Variants in DRG1 observed in about 807,000 individuals in gnomAD.
DRG1 encodes the protein developmentally regulated GTP binding protein 1, also known as developmentally-regulated GTP-binding protein 1.
A neutral mutation model predicts 38.8 loss-of-function variants in DRG1; 19 were observed. That is an observed-to-expected ratio of 0.49 (90% CI 0.34 to 0.72). The LOEUF (loss-of-function observed/expected upper bound fraction) is 0.72, where lower values mean the gene tolerates loss of function less well. Among genes scored for constraint, DRG1 ranks in the 30% least tolerant of loss-of-function variants. The pLI is 0.01. For missense variants in DRG1, 299 were observed against 444.8 expected, an observed-to-expected ratio of 0.67 and a Z score of 2.95; for synonymous variants, 167 against 157.5, an observed-to-expected ratio of 1.06 and a Z score of -0.45.
chr22:31,418,904 A>G (rs1444987132), intron 4 of DRG1, among the ~76,000 whole-genome samples: 4 of 152,016 alleles, frequency 2.6e-5, no homozygotes, highest in Non-Finnish European at 4.4e-5. Flanking sequence ...GATGGTCTCA[A>G]TCAGCTCACC....
rs182115525 is a variant in DRG1, at chr22:31,405,236, C to T, written c.342+2032C>T. Among the ~76,000 whole-genome samples the T allele has an allele frequency of 6.4e-3, 946 of 147,510 alleles. 2 individuals carry two copies. The highest frequency in any genetic ancestry group is 0.011 in the Non-Finnish European group (729 of 66,930). On this transcript the variant is annotated intron_variant, in intron 3 of 8. Coordinates refer to ENST00000331457, the MANE Select transcript of DRG1 (RefSeq NM_004147.4). ...CAGGCTGGAGTGCAGTGGCGTGATTCGGCTCACTGCAACCTCTGCCTCCAG... is the reference window on the plus strand; with the variant it reads ...CAGGCTGGAGTGCAGTGGCGTGATTTGGCTCACTGCAACCTCTGCCTCCAG...
At chr22:31,423,489 C>T in intron 6 of DRG1, 79 bp downstream of exon 6, 1 of 1,417,124 alleles carries the variant, frequency 7.1e-7, no homozygotes, top group East Asian at 2.4e-5. Flanking sequence ...TTGAATCTGG[C>T]AGAAGTTTAT....
At chr22:31,419,765 T>C (rs778144405) in intron 4 of DRG1, among the ~76,000 whole-genome samples, 1 of 151,974 alleles carries the variant, frequency 6.6e-6, no homozygotes, top group Non-Finnish European at 1.5e-5. Context: ...TAACCAAGGG[T>C]GGGCGCAGTG....
chr22:31,425,065 G>C (rs1224986179), intron 6 of DRG1, among the ~76,000 whole-genome samples: 1 of 152,042 alleles, frequency 6.6e-6, no homozygotes, highest in Non-Finnish European at 1.5e-5. Context: ...CAAAGTGCTG[G>C]GATTACAGGC....
At chr22:31,411,792 C>T (rs1433737991) in intron 4 of DRG1, among the ~76,000 whole-genome samples, 1 of 151,622 alleles carries the variant, frequency 6.6e-6, no homozygotes, top group Admixed American at 6.6e-5. Flanking sequence ...GCTGTCCTTT[C>T]ATGTTTGAAG....
intron 3 of DRG1, among the ~76,000 whole-genome samples, chr22:31,407,685 CTT>C (rs71319190): frequency 8.7e-5 from 12 of 137,202 alleles, no homozygotes; most frequent in Non-Finnish European, 1.2e-4. Context: ...TTTCATTTTT[CTT>C]TTTTTTTTTT....
chr22:31,408,777 A>G (rs2050003344), intron 3 of DRG1, among the ~76,000 whole-genome samples: 1 of 143,454 alleles, frequency 7.0e-6, no homozygotes, highest in South Asian at 2.2e-4. Flanking sequence ...AAAAAAAAAG[A>G]TATTTTAAGT....
Position 31,411,864 on chromosome 22 carries a change from T to G in DRG1, c.412+783T>G, listed in dbSNP as rs9621253. ...TTTGGCTATTTATAGAATTATAAAT[T>G]AGAAGTCATTTTCCCTCAGAAATTT... On this transcript the variant is annotated intron_variant, in intron 4 of 8. Coordinates refer to ENST00000331457, the MANE Select transcript of DRG1 (RefSeq NM_004147.4). Among the ~76,000 whole-genome samples the G allele has an allele frequency of 5.7e-3, 872 of 152,198 alleles. 11 individuals carry two copies. Among genetic ancestry groups the G allele is most frequent in the African/African-American group, 0.019 (808 of 41,522 alleles).
intron 5 of DRG1, 38 bp downstream of exon 5, chr22:31,420,463 G>C (rs1267919100): frequency 6.2e-7 from 1 of 1,612,126 alleles, no homozygotes; most frequent in South Asian, 1.1e-5. Flanking sequence ...GCTGCTGCAG[G>C]AATTGGAATG....
intron 3 of DRG1, among the ~76,000 whole-genome samples, chr22:31,404,520 G>C (rs759663976): frequency 1.9e-4 from 29 of 151,950 alleles, no homozygotes; most frequent in Non-Finnish European, 3.5e-4. Context: ...GATTACAGGC[G>C]TGAGCCACCG....
At chr22:31,417,377 A>C (rs1026379629) in intron 4 of DRG1, among the ~76,000 whole-genome samples, 1 of 151,076 alleles carries the variant, frequency 6.6e-6, no homozygotes, top group East Asian at 2.0e-4. Context: ...GTCAAAAAAT[A>C]ATAATAATAA....
At chr22:31,418,674 ATTAT>A (rs1007849238) in intron 4 of DRG1, among the ~76,000 whole-genome samples, 6 of 151,282 alleles carry the variant, frequency 4.0e-5, no homozygotes, top group South Asian at 2.1e-4. Flanking sequence ...TGGCCAGCTA[ATTAT>A]TTATTTATTT....
intron 6 of DRG1, among the ~76,000 whole-genome samples, chr22:31,424,638 A>T (rs2050098038): frequency 6.6e-6 from 1 of 150,496 alleles, no homozygotes; most frequent in Non-Finnish European, 1.5e-5. Flanking sequence ...AGCTGGGATT[A>T]TAGGCGCCTG....
intron 8 of DRG1, among the ~76,000 whole-genome samples, chr22:31,430,019 C>T (rs1263652439): frequency 6.6e-6 from 1 of 152,112 alleles, no homozygotes; most frequent in Non-Finnish European, 1.5e-5. Flanking sequence ...TCCATCTCTG[C>T]CTCCCAAAGT....
intron 8 of DRG1, among the ~76,000 whole-genome samples, chr22:31,431,040 T>G (rs1200132718): frequency 8.1e-6 from 1 of 123,152 alleles, no homozygotes; most frequent in Non-Finnish European, 1.7e-5. Context: ...CCCCGCTTTT[T>G]TTTTTTTTTT....
intron 4 of DRG1, among the ~76,000 whole-genome samples, chr22:31,418,727 G>A (rs1277499672): frequency 6.6e-6 from 1 of 152,186 alleles, no homozygotes; most frequent in East Asian, 1.9e-4. Context: ...TGTTGCCCAG[G>A]CTGGAGTGCA....
At chr22:31,411,603 C>A (rs1601527409) in intron 4 of DRG1, among the ~76,000 whole-genome samples, 1 of 147,970 alleles carries the variant, frequency 6.8e-6, no homozygotes. Flanking sequence ...AATCTTGGCT[C>A]ACTGCAACCT....
intron 6 of DRG1, 113 bp downstream of exon 6, chr22:31,423,523 C>CT (rs1229925627): frequency 0.03 from 14,332 of 476,076 alleles, 13 homozygotes; most frequent in Middle Eastern, 0.042. Flanking sequence ...GTCCTACTGT[C>CT]TTTTTTTTTT....
At chr22:31,409,763 G>A (rs567923577) in intron 3 of DRG1, among the ~76,000 whole-genome samples, 5 of 152,258 alleles carry the variant, frequency 3.3e-5, no homozygotes, top group Admixed American at 3.3e-4. Flanking sequence ...GGAGGCTGAG[G>A]TGGGTGGATT....
Sources: allele counts gnomAD v4.1 joint callset (sites outside exome capture counted in the v4.1 genomes callset), GRCh38; gene constraint gnomAD v4.1.1; transcripts MANE v1.5; gene names NCBI Gene and HGNC (gene_info 2026-07-23, HGNC 2026-07-21).